Variants in SLC35B4 observed in about 807,000 individuals in gnomAD.
SLC35B4 encodes the protein solute carrier family 35 member B4.
Under a neutral mutation model 39.5 loss-of-function variants are expected in SLC35B4, and 28 were observed. The observed-to-expected ratio is 0.71, with a 90% CI of 0.53 to 0.97. The LOEUF is 0.97. Ranked by LOEUF, SLC35B4 falls within the 50% of genes least tolerant of loss-of-function variation. The probability of loss-of-function intolerance (pLI) is 0.00; values close to 1 mark genes in which losing one functional copy is unlikely to be tolerated. For missense variants in SLC35B4, 334 were observed against 414.3 expected (o/e 0.81, Z 1.68); for synonymous variants, 145 against 150.4 (o/e 0.96, Z 0.26).
At chr7:134,300,605 A>G (rs1803559814) in intron 6 of SLC35B4, among the ~76,000 whole-genome samples, 1 of 152,186 alleles carries the variant, frequency 6.6e-6, no homozygotes, top group African/African-American at 2.4e-5. Flanking sequence ...TATGATATGG[A>G]TGTAGCACAC....
intron 4 of SLC35B4, among the ~76,000 whole-genome samples, chr7:134,303,356 A>G (rs542429149): frequency 2.9e-4 from 44 of 152,300 alleles, no homozygotes; most frequent in African/African-American, 1.1e-3. Flanking sequence ...TATCCTTGTC[A>G]TGAGCCAGAA....
At chr7:134,307,912 C>T (rs556003694) in intron 2 of SLC35B4, among the ~76,000 whole-genome samples, 2 of 152,274 alleles carry the variant, frequency 1.3e-5, no homozygotes, top group Admixed American at 6.5e-5. Flanking sequence ...ATACTATCAG[C>T]GACTTTACAA....
chr7:134,315,078 A>T (rs532372620), intron 1 of SLC35B4, among the ~76,000 whole-genome samples: 122 of 152,302 alleles, frequency 8.0e-4, no homozygotes, highest in African/African-American at 2.9e-3. Flanking sequence ...TTAATCAATG[A>T]TATCAAATAA....
Position 134,301,762 on chromosome 7 carries a change from T to C in SLC35B4, c.486A>G (p.Leu162=). ...CTTTATTATAATTATTGTACTTGCC[T>C]AGTAACCACCACACAAATGCCTGGA... ...DGFQAFVWWL[L]GIGALTFALL... Residue 162 remains leucine, a splice_region_variant and synonymous_variant, in exon 6 of 10, where the codon CTA becomes CTG. Transcript: ENST00000378509. 1 of 1,613,636 alleles carries C rather than the reference T, an allele frequency of 6.2e-7. No homozygotes were observed. The highest frequency in any genetic ancestry group is 8.5e-7 in the Non-Finnish European group (1 of 1,179,604).
At chr7:134,315,083 A>C (rs1481916657) in intron 1 of SLC35B4, among the ~76,000 whole-genome samples, 1 of 152,214 alleles carries the variant, frequency 6.6e-6, no homozygotes, top group Non-Finnish European at 1.5e-5. Context: ...CAATGATATC[A>C]AATAAAATAA....
rs1803296197 is a variant in SLC35B4 at position 134,289,869 on chromosome 7, A to C, written c.*4964T>G. Reference sequence around the variant, plus strand: ...TATTTCTGCTTTTCTTTTTTCACGTATCTCTGGCTCCCTTGCAACTTGCCT... The same window carrying C: ...TATTTCTGCTTTTCTTTTTTCACGTCTCTCTGGCTCCCTTGCAACTTGCCT... On this transcript the variant is annotated 3_prime_UTR_variant, in exon 10 of 10. Coordinates refer to ENST00000378509, the MANE Select transcript of SLC35B4 (RefSeq NM_032826.5). The C allele has an allele frequency of 6.6e-6, 1 of 152,120 alleles. No individual in the cohort carries two copies. The highest frequency in any genetic ancestry group is 2.4e-5 in the African/African-American group (1 of 41,434). 9.4% of individuals were successfully genotyped at this position (152,120 alleles called of 1,614,324 possible).
rs1276355391 is a variant in SLC35B4 at position 134,290,834 on chromosome 7, T to C, written c.*3999A>G. 6.6e-6 allele frequency: 1 copy of C among 152,246 alleles called. No homozygotes were observed. The highest frequency in any genetic ancestry group is 1.5e-5 in the Non-Finnish European group (1 of 68,048). The allele number at this position is 152,246 out of a possible 1,614,324, so 9.4% of individuals were successfully genotyped here. Reference sequence around the variant, plus strand: ...ATAAGGGTGGAATGACTTATAATGCTATTTACTCCAGGCAAAGAGAAAATA... The same window carrying C: ...ATAAGGGTGGAATGACTTATAATGCCATTTACTCCAGGCAAAGAGAAAATA... On this transcript the variant is annotated 3_prime_UTR_variant, in exon 10 of 10. Transcript: ENST00000378509.
chr7:134,299,830 A>G (rs926283037), intron 7 of SLC35B4, among the ~76,000 whole-genome samples: 2 of 152,218 alleles, frequency 1.3e-5, no homozygotes, highest in Non-Finnish European at 2.9e-5. Flanking sequence ...GCCATCACAG[A>G]CAAAGCAAAC....
intron 8 of SLC35B4, 108 bp downstream of exon 8, chr7:134,299,415 A>C (rs1219627083): frequency 1.3e-6 from 1 of 798,454 alleles, no homozygotes; most frequent in Non-Finnish European, 2.0e-6. Context: ...CGAAAGGAAC[A>C]CATGATTTGA....
chr7:134,319,201 G>A (rs923358342), upstream of SLC35B4, among the ~76,000 whole-genome samples: 1 of 151,984 alleles, frequency 6.6e-6, no homozygotes, highest in Non-Finnish European at 1.5e-5. Context: ...ATCTACATTC[G>A]TAGTCTCTAC....
At position 134,292,539 on chromosome 7, in the gene SLC35B4, A is replaced by G. The variant is rs1190850292; in HGVS notation, c.*2294T>C. On this transcript the variant is annotated 3_prime_UTR_variant, in exon 10 of 10. Transcript: ENST00000378509. ...CCAAGTACTGTCTGTGAACATCAAC[A>G]CATACCCAATGAAGAAAACTTGTAA... is the stretch of plus-strand genomic sequence containing the variant. 1.3e-5 allele frequency: 2 copies of G among 152,190 alleles called. No individual in the cohort carries two copies. The highest frequency in any genetic ancestry group is 2.4e-5 in the African/African-American group (1 of 41,434). 9.4% of individuals were successfully genotyped at this position (152,190 alleles called of 1,614,324 possible).
chr7:134,317,204 G>A (rs1003470425), upstream of SLC35B4, among the ~76,000 whole-genome samples: 9 of 152,200 alleles, frequency 5.9e-5, no homozygotes, highest in Non-Finnish European at 1.5e-5. Context: ...GGCCGCCAGG[G>A]TCACAACAAA....
intron 1 of SLC35B4, 27 bp downstream of exon 1, chr7:134,316,648 C>T (rs961907061): frequency 6.5e-6 from 10 of 1,548,184 alleles, no homozygotes; most frequent in Admixed American, 2.0e-5. Context: ...CCCGGGAGAC[C>T]GGGTGCGGCC....
chr7:134,303,512 T>C lies in SLC35B4; in HGVS notation c.344+1293A>G, dbSNP rs1803640263. 1.3e-5 allele frequency among the ~76,000 whole-genome samples: 2 copies of C among 151,958 alleles called. 1 individual carries two copies. Among genetic ancestry groups the C allele is most frequent in the South Asian group, 4.2e-4 (2 of 4,806 alleles). ...ATGCAGAGAACCAAGAAGAAAGAAATCAACTACAGTAGTACTTTTCAGGGA... is the reference window on the plus strand; with the variant it reads ...ATGCAGAGAACCAAGAAGAAAGAAACCAACTACAGTAGTACTTTTCAGGGA... On this transcript the variant is annotated intron_variant, in intron 4 of 9. Coordinates refer to ENST00000378509, the MANE Select transcript of SLC35B4 (RefSeq NM_032826.5).
intron 8 of SLC35B4, among the ~76,000 whole-genome samples, chr7:134,297,315 A>T (rs1803489955): frequency 6.6e-6 from 1 of 152,212 alleles, no homozygotes; most frequent in Non-Finnish European, 1.5e-5. Context: ...GTCATTCTTT[A>T]AAAAAATCAA....
At chr7:134,318,476 CAT>C (rs67968218), upstream of SLC35B4, among the ~76,000 whole-genome samples, 4,176 of 149,812 alleles carry the variant, frequency 0.028, 120 homozygotes, top group African/African-American at 0.072. Flanking sequence ...TACACACACA[CAT>C]ATATATATAT....
At chr7:134,315,674 TAAC>T (rs988362268) in intron 1 of SLC35B4, among the ~76,000 whole-genome samples, 2 of 144,818 alleles carry the variant, frequency 1.4e-5, no homozygotes, top group African/African-American at 5.2e-5. Flanking sequence ...AAACACCAAA[TAAC>T]ACCCGTTCCC....
rs1287530607 is a variant in SLC35B4 at position 134,291,349 on chromosome 7, G to C, written c.*3484C>G. 3 of 152,134 alleles carry C rather than the reference G, an allele frequency of 2.0e-5. No homozygotes were observed. The highest frequency in any genetic ancestry group is 7.2e-5 in the African/African-American group (3 of 41,428). The allele number at this position is 152,134 out of a possible 1,614,324, so 9.4% of individuals were successfully genotyped here. On this transcript the variant is annotated 3_prime_UTR_variant, in exon 10 of 10. Transcript: ENST00000378509. The stretch of plus-strand genomic sequence containing the variant: ...CACGCTGTGCAGATATAAATACTCT[G>C]TAAAAATCCACAAAAACATCCAGGG...
chr7:134,316,575 G>T, intron 1 of SLC35B4, 100 bp downstream of exon 1: 1 of 1,253,518 alleles, frequency 8.0e-7, no homozygotes. Flanking sequence ...CGTGGGCGGC[G>T]GGGTGGGGAC....
Sources: gnomAD v4.1 joint callset for allele counts (sites outside exome capture counted in the v4.1 genomes callset) on GRCh38, gnomAD v4.1.1 for gene constraint, MANE v1.5 for transcripts, NCBI Gene and HGNC (gene_info 2026-07-23, HGNC 2026-07-21) for gene names.